COL6A1: variants seen among roughly 807,000 people sequenced by gnomAD.
COL6A1 encodes the protein collagen alpha-1(VI) chain.
COL6A1 carries 80 observed loss-of-function variants against 145.6 expected under a neutral mutation model. The ratio of observed to expected loss-of-function variants is 0.55; its 90% confidence interval spans 0.46 to 0.66. COL6A1 has a LOEUF of 0.66. Among genes scored for constraint, COL6A1 ranks in the 30% least tolerant of loss-of-function variants. COL6A1 has a pLI of 0.00. For synonymous variants in COL6A1, 638 were observed against 622.8 expected, an observed-to-expected ratio of 1.02 and a Z score of -0.36; for missense variants, 1,364 against 1,473.8, an observed-to-expected ratio of 0.93 and a Z score of 1.22.
chr21:45,999,800 T>A, intron 27 of COL6A1, 108 bp downstream of exon 27: 1 of 682,672 alleles, frequency 1.5e-6, no homozygotes. Flanking sequence ...CACGGGGGGG[T>A]GGGTTGTGGA....
Position 46,001,259 on chromosome 21 carries a change from A to T in COL6A1, c.1829A>T (p.Lys610Met). Reference sequence around the variant, plus strand: ...ACACCGCCCCCGCCTGCAGAATGCAAGTGCGGCCCCATCGACCTCCTGTTC... The same window carrying T: ...ACACCGCCCCCGCCTGCAGAATGCATGTGCGGCCCCATCGACCTCCTGTTC... ...IMKMCSCCEC[K>M]CGPIDLLFVL... is the part of the protein sequence containing the mutation. The change falls in exon 30 of 35, where the codon AAG (lysine) becomes ATG (methionine). Residue 610 changes from lysine to methionine, a missense_variant. Around this residue, in one of 3 missense-constraint regions of COL6A1, gnomAD observed 938 missense variants for 1,003.8 expected, o/e 0.93. Transcript: ENST00000361866. 6.2e-7 allele frequency: 1 copy of T among 1,607,978 alleles called. No homozygotes were observed. The highest frequency in any genetic ancestry group is 1.3e-5 in the African/African-American group (1 of 75,040).
chr21:45,998,017 C>A, intron 22 of COL6A1, 104 bp from the exon 23 acceptor site: 1 of 1,436,214 alleles, frequency 7.0e-7, no homozygotes, highest in Non-Finnish European at 9.6e-7. Flanking sequence ...GGCTTCTGGG[C>A]TGACGGAGGG....
chr21:45,997,428 C>T lies in COL6A1; in HGVS notation c.1406C>T (p.Ala469Val), dbSNP rs748290089. 2 of 1,612,972 alleles carry T rather than the reference C, an allele frequency of 1.2e-6. No individual in the cohort carries two copies. The highest frequency in any genetic ancestry group is 4.5e-5 in the East Asian group (2 of 44,838). Residue 469 changes from alanine (A) to valine (V), a missense_variant, in exon 21 of 35, where the codon GCT (alanine) becomes GTT (valine). This residue lies in a region of COL6A1 where 938 missense variants were observed against 1,003.8 expected (regional missense o/e 0.93). Transcript: ENST00000361866. ...PVGVPGDPGEAGPIGPKGYRG... is the reference protein window; with the variant it reads ...PVGVPGDPGEVGPIGPKGYRG... Reference sequence around the variant, plus strand: ...ATATCCATCTCTCTACAGGGCGAGGCTGGCCCTATCGGACCTAAAGGCTAC... The same window carrying T: ...ATATCCATCTCTCTACAGGGCGAGGTTGGCCCTATCGGACCTAAAGGCTAC...
chr21:45,999,799 G>T, intron 27 of COL6A1, 107 bp downstream of exon 27: 1 of 928,822 alleles, frequency 1.1e-6, no homozygotes, highest in Non-Finnish European at 1.6e-6. Flanking sequence ...TCACGGGGGG[G>T]TGGGTTGTGG....
At chr21:45,985,873 G>A (rs531545859) in intron 3 of COL6A1, among the ~76,000 whole-genome samples, 14 of 152,316 alleles carry the variant, frequency 9.2e-5, no homozygotes, top group East Asian at 3.9e-4. Context: ...TCAGGAAGTC[G>A]TCCGCTGTCT....
intron 2 of COL6A1, among the ~76,000 whole-genome samples, chr21:45,983,648 C>T (rs1047484313): frequency 3.7e-5 from 5 of 136,048 alleles, no homozygotes; most frequent in African/African-American, 6.6e-5. Flanking sequence ...CAGGCCCGTG[C>T]GGCAGTGTTT....
chr21:45,990,690 TGGAGGGCA>T lies in COL6A1; in HGVS notation c.1003-82_1003-75del. 4 of 1,277,866 alleles carry T rather than the reference TGGAGGGCA, an allele frequency of 3.1e-6. No homozygotes were observed. The South Asian group carries it at 4.8e-5, about 15-fold the overall frequency. The allele number at this position is 1,277,866 out of a possible 1,614,324, so 79.2% of individuals were successfully genotyped here. A position where few individuals can be genotyped will look rare whatever the true frequency, so the allele number is the denominator to read the frequency against. On this transcript the variant is annotated intron_variant, in intron 13 of 34. Coordinates refer to ENST00000361866, the MANE Select transcript of COL6A1 (RefSeq NM_001848.3). ...CTTTCCAGGGAGGGTGTGGAGGGCA[TGGAGGGCA>T]CCAAGTCTGACAGTTGATTGGCCTC... is the stretch of plus-strand genomic sequence containing the variant.
At chr21:45,991,140 C>A in intron 15 of COL6A1, 99 bp downstream of exon 15, 2 of 1,373,232 alleles carry the variant, frequency 1.5e-6, no homozygotes, top group Non-Finnish European at 2.1e-6. Context: ...CCGAGCATGT[C>A]GGCCACCCGT....
At position 45,987,136 on chromosome 21, in the gene COL6A1, T is replaced by C. The variant is rs2077744012; in HGVS notation, c.718-19T>C. ...GCCGCAGGTGGAAAGTAATTCTGCG[T>C]TTCCATTTCTCTTTCCAGAAAAATA... On this transcript the variant is annotated intron_variant, in intron 5 of 34. Coordinates refer to ENST00000361866, the MANE Select transcript of COL6A1 (RefSeq NM_001848.3). The C allele has an allele frequency of 6.3e-7, 1 of 1,595,126 alleles. No individual in the cohort carries two copies. Among genetic ancestry groups the C allele is most frequent in the African/African-American group, 1.3e-5 (1 of 74,690 alleles).
Position 45,998,966 on chromosome 21 carries a change from G to A in COL6A1, c.1674+7G>A, listed in dbSNP as rs780299647. 1 of 1,552,516 alleles carries A rather than the reference G, an allele frequency of 6.4e-7. No individual in the cohort carries two copies. Among genetic ancestry groups the A allele is most frequent in the Non-Finnish European group, 8.7e-7 (1 of 1,147,580 alleles). Reference sequence around the variant, plus strand: ...CGGGGACCCCGGAGACGATGTAAGTGTGGATGGGAGGCAGGGCCAGCCCCA... The same window carrying A: ...CGGGGACCCCGGAGACGATGTAAGTATGGATGGGAGGCAGGGCCAGCCCCA... On this transcript the variant is annotated splice_region_variant and intron_variant, in intron 25 of 34. Transcript: ENST00000361866.
At chr21:45,982,074 T>G in intron 1 of COL6A1, 127 bp downstream of exon 1, 1 of 804,734 alleles carries the variant, frequency 1.2e-6, no homozygotes, top group Non-Finnish European at 2.0e-6. Context: ...TGAACCCCAC[T>G]CCCCGCTCGG....
intron 27 of COL6A1, among the ~76,000 whole-genome samples, chr21:46,000,019 T>G (rs1242802667): frequency 4.0e-5 from 1 of 24,820 alleles, no homozygotes; most frequent in Non-Finnish European, 7.3e-5. Context: ...GTGAGGATCA[T>G]GGGGGACCCG....
chr21:45,998,358 A>G, intron 23 of COL6A1, 40 bp from the exon 24 acceptor site: 1 of 1,612,754 alleles, frequency 6.2e-7, no homozygotes, highest in South Asian at 1.1e-5. Flanking sequence ...TCCCCTCTCA[A>G]ATCAGAACCC....
At chr21:46,003,201 G>A (rs1040651732) in intron 34 of COL6A1, 52 bp downstream of exon 34, 1 of 1,613,426 alleles carries the variant, frequency 6.2e-7, no homozygotes, top group Non-Finnish European at 8.5e-7. Flanking sequence ...CGTGGTTGGG[G>A]CGAGGGCTCT....
intron 22 of COL6A1, 143 bp downstream of exon 22, chr21:45,997,905 C>T (rs956855689): frequency 1.2e-5 from 13 of 1,126,642 alleles, no homozygotes; most frequent in African/African-American, 9.4e-5. Flanking sequence ...TGGCCACAGT[C>T]GGCACCTGAG....
Position 45,987,802 on chromosome 21 carries a change from GGAGGGGACGGCGGGA to G in COL6A1, c.804+150_804+164del. The G allele has an allele frequency of 1.6e-5, 6 of 386,980 alleles. 1 individual carries two copies. Among genetic ancestry groups the G allele is most frequent in the South Asian group, 8.8e-5 (3 of 34,142 alleles). 24.0% of individuals were successfully genotyped at this position (386,980 alleles called of 1,614,324 possible). On this transcript the variant is annotated intron_variant, in intron 8 of 34. Transcript: ENST00000361866. ...TGGAGGGGACGGCGGGGGTCCAGAT[GGAGGGGACGGCGGGA>G]GTCCAGATGGAGGGGATGGCGGGGT...
intron 3 of COL6A1, among the ~76,000 whole-genome samples, chr21:45,985,201 C>T (rs541837837): frequency 1.4e-4 from 21 of 147,668 alleles, no homozygotes; most frequent in Middle Eastern, 4.2e-3. Flanking sequence ...GAAGCAGAGA[C>T]AGACAGAGGC....
intron 3 of COL6A1, 29 bp from the exon 4 acceptor site, chr21:45,986,497 G>A (rs993069719): frequency 5.8e-6 from 9 of 1,551,218 alleles, no homozygotes; most frequent in East Asian, 2.4e-5. Flanking sequence ...ACCTAGTCTC[G>A]AGGTCTCACG....
chr21:45,992,069 C>T lies in COL6A1; in HGVS notation c.1179C>T (p.Asp393=), dbSNP rs182068143. 9.5e-5 allele frequency: 153 copies of T among 1,612,382 alleles called. No homozygotes were observed. The highest frequency in any genetic ancestry group is 9.1e-4 in the South Asian group (83 of 90,906). The change falls in exon 16 of 35, where the codon GAC becomes GAT. Residue 393 remains aspartate (D), a synonymous_variant. Transcript: ENST00000361866. ...CAGGGAGCTCGGGACCATCTGGAGACGAGGTGAGGAGCTTCACAGCCCCCA... is the reference window on the plus strand; with the variant it reads ...CAGGGAGCTCGGGACCATCTGGAGATGAGGTGAGGAGCTTCACAGCCCCCA... The part of the protein sequence containing the change: ...GRPGSSGPSG[D]EGQPGEPGPP...
Sources: allele counts gnomAD v4.1 joint callset (sites outside exome capture counted in the v4.1 genomes callset), GRCh38; gene constraint gnomAD v4.1.1; regional missense constraint gnomAD v4.1.1; transcripts MANE v1.5; gene names NCBI Gene and HGNC (gene_info 2026-07-23, HGNC 2026-07-21).